SAE1: variants seen among roughly 807,000 people sequenced by gnomAD.
The protein encoded by SAE1 is SUMO1 activating enzyme subunit 1, also known as SUMO-activating enzyme subunit 1.
Under a neutral mutation model 40.6 loss-of-function variants are expected in SAE1, and 11 were observed. The observed-to-expected ratio is 0.27, with a 90% CI of 0.17 to 0.45. The LOEUF is 0.45. Ranked by LOEUF, SAE1 falls within the 20% of genes least tolerant of loss-of-function variation. The probability of loss-of-function intolerance (pLI) is 1.00; values close to 1 mark genes in which losing one functional copy is unlikely to be tolerated. For synonymous variants in SAE1, 155 were observed against 154.3 expected (o/e 1.00, Z -0.03); for missense variants, 373 against 427.3 (o/e 0.87, Z 1.12).
At position 47,154,179 on chromosome 19, in the gene SAE1, C is replaced by G. The variant is rs555803413; in HGVS notation, c.528-935C>G. On this transcript the variant is annotated intron_variant, in intron 4 of 8. Transcript: ENST00000270225. ...GATCTTGGCTCACTGCAACCTCCAC[C>G]TCCTGGATTCAAGTGGTTCTCCTGC... 2.0e-5 allele frequency among the ~76,000 whole-genome samples: 3 copies of G among 152,318 alleles called. No individual in the cohort carries two copies. In the South Asian group the frequency reaches 6.2e-4, roughly 32 times the overall value.
At chr19:47,175,653 T>TTGCTC (rs2058464792) in intron 6 of SAE1, among the ~76,000 whole-genome samples, 1 of 152,080 alleles carries the variant, frequency 6.6e-6, no homozygotes, top group Admixed American at 6.5e-5. Flanking sequence ...TGAGAGAATC[T>TTGCTC]CTTGAACCTA....
intron 5 of SAE1, among the ~76,000 whole-genome samples, chr19:47,156,027 C>T (rs1346827101): frequency 6.6e-6 from 1 of 152,026 alleles, no homozygotes; most frequent in Non-Finnish European, 1.5e-5. Context: ...GCATGAGCCA[C>T]CATGCCCGAC....
chr19:47,199,618 GC>G (rs1022275241), intron 7 of SAE1, among the ~76,000 whole-genome samples: 1 of 152,080 alleles, frequency 6.6e-6, no homozygotes, highest in African/African-American at 2.4e-5. Flanking sequence ...CACTTTGAAT[GC>G]CCAAGTAGTC....
intron 1 of SAE1, 25 bp downstream of exon 1, chr19:47,131,053 C>A: frequency 6.6e-7 from 1 of 1,515,650 alleles, no homozygotes; most frequent in South Asian, 1.2e-5. Flanking sequence ...GGCTTGAGGC[C>A]GCTAGGGTCT....
chr19:47,138,274 C>T lies in SAE1; in HGVS notation c.99-5220C>T, dbSNP rs548778133. ...GGCCAGGGTGGTCTTGAACTCCTGACCTCAGGTGATCTACCCGCCTCAGCC... is the reference window on the plus strand; with the variant it reads ...GGCCAGGGTGGTCTTGAACTCCTGATCTCAGGTGATCTACCCGCCTCAGCC... On this transcript the variant is annotated intron_variant, in intron 1 of 8. Coordinates refer to ENST00000270225, the MANE Select transcript of SAE1 (RefSeq NM_005500.3). Among the ~76,000 whole-genome samples, 5 of 152,150 alleles carry T rather than the reference C, an allele frequency of 3.3e-5. No homozygotes were observed. The South Asian group carries it at 1.0e-3, about 32-fold the overall frequency.
At chr19:47,131,250 C>A in intron 1 of SAE1, 2 of 1,194,902 alleles carry the variant, frequency 1.7e-6, no homozygotes, top group Non-Finnish European at 2.2e-6. Context: ...GATGGGAGCT[C>A]TGAAGGGGGC....
chr19:47,188,481 A>G (rs2058558065), intron 6 of SAE1, among the ~76,000 whole-genome samples: 1 of 152,188 alleles, frequency 6.6e-6, no homozygotes, highest in South Asian at 2.1e-4. Context: ...AGCTGAATTA[A>G]TGGTAATGCA....
intron 1 of SAE1, among the ~76,000 whole-genome samples, chr19:47,136,578 C>A (rs1380820728): frequency 6.6e-6 from 1 of 151,296 alleles, no homozygotes; most frequent in Non-Finnish European, 1.5e-5. Context: ...TCACCGCAAC[C>A]CTTGCCTCCC....
At chr19:47,197,400 G>A (rs150311409) in intron 7 of SAE1, 23 bp downstream of exon 7, 15 of 1,604,102 alleles carry the variant, frequency 9.4e-6, no homozygotes, top group East Asian at 6.7e-5. Context: ...ATTTATCACT[G>A]TTTAGTCTGG....
At chr19:47,150,074 CAA>C (rs34440742) in intron 2 of SAE1, 126 bp from the exon 3 acceptor site, 12,623 of 333,520 alleles carry the variant, frequency 0.038, no homozygotes, top group South Asian at 0.052. Flanking sequence ...AAGACTGTCT[CAA>C]AAAAAAAAAA....
chr19:47,158,545 G>A (rs2058337574), intron 5 of SAE1, among the ~76,000 whole-genome samples: 1 of 152,170 alleles, frequency 6.6e-6, no homozygotes, highest in South Asian at 2.1e-4. Context: ...GTTTGTGTTG[G>A]CATGTGAGGG....
chr19:47,131,262 T>C, intron 1 of SAE1: 1 of 1,109,416 alleles, frequency 9.0e-7, no homozygotes, highest in Non-Finnish European at 1.2e-6. Flanking sequence ...GAAGGGGGCG[T>C]TGGGGAGTCC....
chr19:47,178,624 CA>C (rs1256248030), intron 6 of SAE1, among the ~76,000 whole-genome samples: 1 of 152,190 alleles, frequency 6.6e-6, no homozygotes, highest in Admixed American at 6.5e-5. Context: ...AGGCACACGC[CA>C]CCATGCCTGG....
At chr19:47,140,878 G>A (rs892205823) in intron 1 of SAE1, among the ~76,000 whole-genome samples, 5 of 151,778 alleles carry the variant, frequency 3.3e-5, no homozygotes, top group Admixed American at 1.3e-4. Context: ...TTTTTGAGAC[G>A]GAGTCTGTCA....
chr19:47,193,845 GAAAAGAAAAA>G (rs1486148651), intron 6 of SAE1, among the ~76,000 whole-genome samples: 1 of 111,098 alleles, frequency 9.0e-6, no homozygotes, highest in African/African-American at 2.9e-5. Flanking sequence ...AAAAAAGAAA[GAAAAGAAAAA>G]GAAAAAGAAA....
At chr19:47,190,253 C>G (rs936024255) in intron 6 of SAE1, among the ~76,000 whole-genome samples, 1 of 152,206 alleles carries the variant, frequency 6.6e-6, no homozygotes, top group African/African-American at 2.4e-5. Flanking sequence ...TAGAGCACCT[C>G]TCTATCCCTG....
At chr19:47,171,348 C>T (rs1006666618) in intron 6 of SAE1, among the ~76,000 whole-genome samples, 6 of 151,936 alleles carry the variant, frequency 3.9e-5, no homozygotes, top group African/African-American at 1.4e-4. Context: ...GGCTGGAGTG[C>T]AGTGGCACGA....
intron 7 of SAE1, among the ~76,000 whole-genome samples, chr19:47,201,759 G>A (rs1332658046): frequency 6.6e-6 from 1 of 151,816 alleles, no homozygotes; most frequent in African/African-American, 2.4e-5. Flanking sequence ...TCAGCCTCCC[G>A]AGTATCTGGC....
intron 7 of SAE1, among the ~76,000 whole-genome samples, chr19:47,201,032 T>A (rs769357807): frequency 1.6e-4 from 24 of 151,016 alleles, no homozygotes; most frequent in Non-Finnish European, 2.9e-4. Flanking sequence ...TATTTTTTTT[T>A]ATTTTTTTAT....
Sources: allele counts gnomAD v4.1 joint callset (sites outside exome capture counted in the v4.1 genomes callset), GRCh38; gene constraint gnomAD v4.1.1; transcripts MANE v1.5; gene names NCBI Gene and HGNC (gene_info 2026-07-23, HGNC 2026-07-21).